The following SEMA4D variants were observed in gnomAD, a reference collection of about 807,000 sequenced individuals.
SEMA4D encodes semaphorin 4D.
Under a neutral mutation model 74.8 loss-of-function variants are expected in SEMA4D, and 22 were observed. That is an observed-to-expected ratio of 0.29 (90% CI 0.21 to 0.42). The LOEUF (loss-of-function observed/expected upper bound fraction) is 0.42, where lower values mean the gene tolerates loss of function less well. Among genes scored for constraint, SEMA4D ranks in the 10% least tolerant of loss-of-function variants. The probability of loss-of-function intolerance (pLI) is 1.00; values close to 1 mark genes in which losing one functional copy is unlikely to be tolerated. For synonymous variants in SEMA4D, 445 were observed against 463.7 expected (o/e 0.96, Z 0.52); for missense variants, 937 against 1,118.4 (o/e 0.84, Z 2.31).
intron 13 of SEMA4D, chr9:89,385,892 C>G: frequency 1.1e-6 from 1 of 900,892 alleles, no homozygotes; most frequent in Non-Finnish European, 1.3e-6. Flanking sequence ...CTGCCAAGGG[C>G]TGCTTGGGAG....
At chr9:89,424,687 C>G (rs1170438736) in intron 2 of SEMA4D, among the ~76,000 whole-genome samples, 6 of 152,024 alleles carry the variant, frequency 3.9e-5, no homozygotes, top group African/African-American at 1.2e-4. Flanking sequence ...TGCCCTCCCC[C>G]ACCTCTGCCC....
chr9:89,405,915 C>T, intron 2 of SEMA4D: 1 of 1,187,924 alleles, frequency 8.4e-7, no homozygotes, highest in Non-Finnish European at 1.0e-6. Context: ...GCTTCCCGCT[C>T]CTCCAGCTAC....
chr9:89,429,010 C>T (rs889947489), intron 2 of SEMA4D, among the ~76,000 whole-genome samples: 1 of 152,116 alleles, frequency 6.6e-6, no homozygotes, highest in African/African-American at 2.4e-5. Flanking sequence ...TGGGGGGGGT[C>T]TCCCCTTCCA....
chr9:89,454,006 C>T (rs1422688777), intron 2 of SEMA4D, among the ~76,000 whole-genome samples: 5 of 152,004 alleles, frequency 3.3e-5, no homozygotes, highest in Non-Finnish European at 7.4e-5. Flanking sequence ...TACAGGCGCC[C>T]GCCACCACGC....
At chr9:89,404,782 T>C (rs1380477229) in intron 3 of SEMA4D, among the ~76,000 whole-genome samples, 307 of 82,364 alleles carry the variant, frequency 3.7e-3, no homozygotes, top group South Asian at 6.8e-3. Flanking sequence ...GTGGGGTCCC[T>C]GTCCCGTTCT....
intron 1 of SEMA4D, 21 bp from the exon 2 acceptor site, chr9:89,455,974 G>A (rs1250431995): frequency 6.6e-6 from 1 of 152,222 alleles, no homozygotes; most frequent in Non-Finnish European, 1.5e-5. Context: ...GTTAGAAAAG[G>A]GCACATTTTA....
intron 2 of SEMA4D, among the ~76,000 whole-genome samples, chr9:89,417,155 A>G (rs1845898577): frequency 6.6e-6 from 1 of 152,252 alleles, no homozygotes; most frequent in Admixed American, 6.5e-5. Context: ...GAGACTGACA[A>G]AAAACAAAAC....
intron 1 of SEMA4D, among the ~76,000 whole-genome samples, chr9:89,460,165 T>C (rs1856878960): frequency 6.6e-6 from 1 of 152,294 alleles, no homozygotes; most frequent in South Asian, 2.1e-4. Context: ...TAACCAAACC[T>C]TGCTTCGCTT....
chr9:89,366,322 A>G (rs1471065646), intron 16 of SEMA4D, among the ~76,000 whole-genome samples: 2 of 152,110 alleles, frequency 1.3e-5, no homozygotes, highest in Non-Finnish European at 2.9e-5. Context: ...ACTTCCCTGG[A>G]GTTTCCAAAC....
At chr9:89,386,703 A>G in intron 12 of SEMA4D, 1 of 466,710 alleles carries the variant, frequency 2.1e-6, no homozygotes, top group Non-Finnish European at 3.9e-6. Context: ...GTTTTTTTCC[A>G]AGGAAAATAA....
At chr9:89,391,166 G>C (rs1309808476) in intron 9 of SEMA4D, 98 bp downstream of exon 9, 2 of 1,205,848 alleles carry the variant, frequency 1.7e-6, no homozygotes, top group Admixed American at 3.8e-5. Flanking sequence ...AAGTGCTAGG[G>C]AAAGTGACAT....
chr9:89,460,519 G>A (rs1195804768), intron 1 of SEMA4D, among the ~76,000 whole-genome samples: 1 of 152,214 alleles, frequency 6.6e-6, no homozygotes, highest in Non-Finnish European at 1.5e-5. Context: ...ACTCCAAAAT[G>A]TGTCACACAC....
At chr9:89,497,349 G>C (rs1320335754) in intron 1 of SEMA4D, 1 of 152,512 alleles carries the variant, frequency 6.6e-6, no homozygotes, top group Non-Finnish European at 1.5e-5. Context: ...GCGGCGACCT[G>C]ACCACTGCGG....
At chr9:89,446,535 C>T (rs1674237374) in intron 2 of SEMA4D, among the ~76,000 whole-genome samples, 1 of 152,228 alleles carries the variant, frequency 6.6e-6, no homozygotes, top group Admixed American at 6.5e-5. Flanking sequence ...AAACACCATC[C>T]CGTCTCCATG....
Position 89,385,992 on chromosome 9 carries a change from C to T in SEMA4D, c.1446+375G>A, listed in dbSNP as rs556068322. ...TTCTCTTGTGGATTTTCCACGGTGA[C>T]GAGTCAGCTGTATCACTATCATATC... On this transcript the variant is annotated intron_variant, in intron 13 of 15. Coordinates refer to ENST00000422704, the MANE Select transcript of SEMA4D (RefSeq NM_001371194.2). The T allele has an allele frequency of 5.7e-5, 56 of 985,182 alleles. No individual in the cohort carries two copies. In the Admixed American group the frequency reaches 1.3e-3, roughly 23 times the overall value. The allele number at this position is 985,182 out of a possible 1,614,324, so 61.0% of individuals were successfully genotyped here. A position where few individuals can be genotyped will look rare whatever the true frequency, so the allele number is the denominator to read the frequency against.
At chr9:89,395,150 G>A (rs1436748541) in intron 6 of SEMA4D, among the ~76,000 whole-genome samples, 2 of 152,204 alleles carry the variant, frequency 1.3e-5, no homozygotes, top group African/African-American at 2.4e-5. Context: ...AATTGACGGG[G>A]CGTGGTGGCT....
At chr9:89,495,717 T>C (rs1459554627) in intron 1 of SEMA4D, among the ~76,000 whole-genome samples, 1 of 152,102 alleles carries the variant, frequency 6.6e-6, no homozygotes, top group Non-Finnish European at 1.5e-5. Context: ...GCAAGTTTCA[T>C]CCCCATGGGT....
At chr9:89,473,578 C>T (rs775526457) in intron 1 of SEMA4D, among the ~76,000 whole-genome samples, 19 of 151,454 alleles carry the variant, frequency 1.3e-4, no homozygotes, top group Non-Finnish European at 2.2e-4. Context: ...AAACAACGGC[C>T]GGGCATGGTG....
At chr9:89,400,291 G>C (rs1841913583) in intron 4 of SEMA4D, among the ~76,000 whole-genome samples, 2 of 152,216 alleles carry the variant, frequency 1.3e-5, no homozygotes, top group South Asian at 2.1e-4. Flanking sequence ...CCACAGAATA[G>C]AAAGCAACAT....
Sources: allele counts gnomAD v4.1 joint callset (sites outside exome capture counted in the v4.1 genomes callset), GRCh38; gene constraint gnomAD v4.1.1; transcripts MANE v1.5; gene names NCBI Gene and HGNC (gene_info 2026-07-23, HGNC 2026-07-21).